The following RGS7 variants were observed in gnomAD, a reference collection of about 807,000 sequenced individuals.
The protein encoded by RGS7 is regulator of G protein signaling 7, also known as regulator of G-protein signaling 7.
Under a neutral mutation model 81.1 loss-of-function variants are expected in RGS7, and 27 were observed. The ratio of observed to expected loss-of-function variants is 0.33; its 90% CI spans 0.25 to 0.46. The LOEUF is 0.46. RGS7 is among the 20% of genes least tolerant of loss of function. The pLI is 1.00. For synonymous variants in RGS7, 208 were observed against 207.7 expected (o/e 1.00, Z -0.01); for missense variants, 396 against 607.4 (o/e 0.65, Z 3.66).
chr1:240,953,720 A>G (rs959221502), intron 4 of RGS7, among the ~76,000 whole-genome samples: 1 of 151,994 alleles, frequency 6.6e-6, no homozygotes, highest in Non-Finnish European at 1.5e-5. Context: ...ATTTAAACCT[A>G]GAGTAATCAG....
At chr1:240,993,168 GGAAA>G (rs1402331009) in intron 3 of RGS7, among the ~76,000 whole-genome samples, 96 of 140,776 alleles carry the variant, frequency 6.8e-4, no homozygotes, top group African/African-American at 2.4e-3. Flanking sequence ...AGGAAGGGAG[GGAAA>G]GAAAGAAGGA....
At chr1:241,349,473 C>G (rs146175499) in intron 2 of RGS7, among the ~76,000 whole-genome samples, 144 of 152,332 alleles carry the variant, frequency 9.5e-4, no homozygotes, top group African/African-American at 3.4e-3. Flanking sequence ...CTAGTCTAGA[C>G]CAGGTGGCAA....
At chr1:241,334,739 C>G (rs1332192406) in intron 2 of RGS7, among the ~76,000 whole-genome samples, 1 of 152,046 alleles carries the variant, frequency 6.6e-6, no homozygotes, top group Non-Finnish European at 1.5e-5. Flanking sequence ...CCATTCCTTA[C>G]CTTTACCAAA....
At chr1:240,841,247 T>A (rs1657925725) in intron 9 of RGS7, among the ~76,000 whole-genome samples, 1 of 152,180 alleles carries the variant, frequency 6.6e-6, no homozygotes, top group Non-Finnish European at 1.5e-5. Context: ...AAAGCCTCAG[T>A]TTTAGAGAAG....
At chr1:241,132,486 T>C (rs898751943) in intron 2 of RGS7, 12 of 152,362 alleles carry the variant, frequency 7.9e-5, no homozygotes, top group African/African-American at 2.7e-4. Flanking sequence ...ACTAAAATAC[T>C]TGGCAAAGAG....
intron 2 of RGS7, among the ~76,000 whole-genome samples, chr1:241,325,971 G>A (rs912291985): frequency 6.6e-6 from 1 of 152,054 alleles, no homozygotes; most frequent in African/African-American, 2.4e-5. Flanking sequence ...AGGCTACCCT[G>A]TTAAATAAAC....
intron 3 of RGS7, among the ~76,000 whole-genome samples, chr1:241,073,941 C>T (rs1358500752): frequency 6.6e-6 from 1 of 150,626 alleles, no homozygotes; most frequent in Non-Finnish European, 1.5e-5. Flanking sequence ...TGCTTTGTTG[C>T]CCAGGCTGGA....
intron 10 of RGS7, among the ~76,000 whole-genome samples, chr1:240,820,820 T>C (rs1212727355): frequency 6.6e-6 from 1 of 152,160 alleles, no homozygotes; most frequent in East Asian, 1.9e-4. Context: ...GTCTAAGATA[T>C]TTTGTCACAG....
chr1:241,344,499 A>G (rs77539810), intron 2 of RGS7, among the ~76,000 whole-genome samples: 1,996 of 152,342 alleles, frequency 0.013, 23 homozygotes, highest in African/African-American at 0.014. Context: ...CTAACAATAT[A>G]CCACTTTACA....
At chr1:241,293,504 G>T (rs1434088935) in intron 2 of RGS7, among the ~76,000 whole-genome samples, 1 of 151,884 alleles carries the variant, frequency 6.6e-6, no homozygotes, top group African/African-American at 2.4e-5. Context: ...TTGTGGAGGT[G>T]GAAACAGTGA....
intron 2 of RGS7, among the ~76,000 whole-genome samples, chr1:241,306,568 G>A (rs1433177904): frequency 6.8e-6 from 1 of 146,866 alleles, no homozygotes; most frequent in East Asian, 2.0e-4. Context: ...ATACACATAT[G>A]TCCACACACG....
Position 240,775,986 on chromosome 1 carries a change from A to G in RGS7, c.*234T>C. ...GAAAGAAAGCAGACAACAGTTTGGA[A>G]TGGAGGCATTGAGACGGAAGAGTCC... On this transcript the variant is annotated 3_prime_UTR_variant, in exon 19 of 19. Coordinates refer to ENST00000440928, the MANE Select transcript of RGS7 (RefSeq NM_001364886.1). 3 of 647,126 alleles carry G rather than the reference A, an allele frequency of 4.6e-6. No homozygotes were observed. Among genetic ancestry groups the G allele is most frequent in the Non-Finnish European group, 8.6e-6 (3 of 347,258 alleles). The allele number at this position is 647,126 out of a possible 1,614,324, so 40.1% of individuals were successfully genotyped here.
intron 3 of RGS7, among the ~76,000 whole-genome samples, chr1:241,070,293 T>C (rs1395782213): frequency 6.7e-6 from 1 of 149,734 alleles, no homozygotes; most frequent in Non-Finnish European, 1.5e-5. Context: ...CCCAAATAAC[T>C]TGTGGAATTC....
chr1:241,037,041 T>C lies in RGS7; in HGVS notation c.176-53912A>G, dbSNP rs537698893. 5.9e-5 allele frequency among the ~76,000 whole-genome samples: 9 copies of C among 152,316 alleles called. No individual in the cohort carries two copies. The South Asian group carries it at 1.2e-3, about 21-fold the overall frequency. On this transcript the variant is annotated intron_variant, in intron 3 of 18. Transcript: ENST00000440928. ...TAAGACTTTATATGAGTAAGAAATA[T>C]GCTTCTGTCATAATAAATCATTATG...
At chr1:241,268,166 G>C (rs978139522) in intron 2 of RGS7, among the ~76,000 whole-genome samples, 3 of 152,140 alleles carry the variant, frequency 2.0e-5, no homozygotes, top group Non-Finnish European at 4.4e-5. Flanking sequence ...TCTGCTTTCT[G>C]GTGGAAAAGA....
At chr1:241,298,883 C>T (rs2079572534) in intron 2 of RGS7, among the ~76,000 whole-genome samples, 1 of 152,132 alleles carries the variant, frequency 6.6e-6, no homozygotes, top group Non-Finnish European at 1.5e-5. Context: ...TTTTTTTCCA[C>T]AGTATTTTGA....
At chr1:241,309,468 C>T (rs1250896260) in intron 2 of RGS7, among the ~76,000 whole-genome samples, 4 of 151,538 alleles carry the variant, frequency 2.6e-5, no homozygotes, top group Non-Finnish European at 4.4e-5. Context: ...ACAGAAATCA[C>T]CCAATTGCCC....
chr1:241,238,355 T>G (rs2148119469), intron 2 of RGS7, among the ~76,000 whole-genome samples: 1 of 152,328 alleles, frequency 6.6e-6, no homozygotes, highest in South Asian at 2.1e-4. Context: ...TGACTATGAC[T>G]TGGCCTTGCT....
intron 2 of RGS7, among the ~76,000 whole-genome samples, chr1:241,103,426 A>T (rs1008344281): frequency 3.3e-5 from 5 of 152,188 alleles, no homozygotes; most frequent in African/African-American, 1.2e-4. Flanking sequence ...TTTACTCTTA[A>T]GAAGTTCAAA....
Sources: allele counts gnomAD v4.1 joint callset (sites outside exome capture counted in the v4.1 genomes callset), GRCh38; gene constraint gnomAD v4.1.1; transcripts MANE v1.5; gene names NCBI Gene and HGNC (gene_info 2026-07-23, HGNC 2026-07-21).